Variants in ZNF219 observed in about 807,000 individuals in gnomAD.
ZNF219 encodes the protein zinc finger protein 219.
A neutral mutation model predicts 54.4 loss-of-function variants in ZNF219; 17 were observed. The observed-to-expected ratio is 0.31, with a 90% CI of 0.21 to 0.47. The LOEUF (loss-of-function observed/expected upper bound fraction) is 0.47. Among genes scored for constraint, ZNF219 ranks in the 20% least tolerant of loss-of-function variants. The pLI is 1.00. For missense variants in ZNF219, 1,014 were observed against 1,062.3 expected, an observed-to-expected ratio of 0.95 and a Z score of 0.63; for synonymous variants, 518 against 476.4, an observed-to-expected ratio of 1.09 and a Z score of -1.14.
At chr14:21,103,509 T>A (rs1889783555), upstream of ZNF219, 1 of 515,478 alleles carries the variant, frequency 1.9e-6, no homozygotes, top group Non-Finnish European at 3.3e-6. Flanking sequence ...CAGCTTCACA[T>A]TTGCCTCATC....
At chr14:21,093,562 GGT>G in intron 2 of ZNF219, 22 bp downstream of exon 2, 2 of 1,611,204 alleles carry the variant, frequency 1.2e-6, no homozygotes, top group Non-Finnish European at 1.7e-6. Context: ...GGTACTTGTA[GGT>G]TGAAGCCAGA....
At position 21,094,736 on chromosome 14, in the gene ZNF219, G is replaced by GGGGT. The variant is rs1270376691; in HGVS notation, c.-83-1063_-83-1062insACCC. ...GAAGAGGATAGGGGTTGGGGGGGGG[G>GGGGT]GCGGGTGCTGATCCTAAGCTGCAGA... On this transcript the variant is annotated intron_variant, in intron 1 of 4. Transcript: ENST00000360947. 8.3e-4 allele frequency among the ~76,000 whole-genome samples: 66 copies of GGGGT among 79,694 alleles called. 7 individuals carry two copies. Among genetic ancestry groups the GGGGT allele is most frequent in the Non-Finnish European group, 1.6e-3 (58 of 36,642 alleles). 52.3% of individuals were successfully genotyped at this position (79,694 alleles called of 152,430 possible). A position where few individuals can be genotyped will look rare whatever the true frequency, so the allele number is the denominator to read the frequency against.
chr14:21,098,344 C>CGGCGGAGCG lies in ZNF219; in HGVS notation c.-117_-116insCGCTCCGCC. On this transcript the variant is annotated 5_prime_UTR_variant, in exon 1 of 5. Transcript: ENST00000360947. ...GGGCGGGCGGCGGCGGAGCGGGCGGCGGCGGCGGCGGCGGCGGCGGGCGGC... is the reference window on the plus strand; with the variant it reads ...GGGCGGGCGGCGGCGGAGCGGGCGGCGGCGGAGCGGGCGGCGGCGGCGGCGGCGGGCGGC... 1 of 272,292 alleles carries CGGCGGAGCG rather than the reference C, an allele frequency of 3.7e-6. No individual in the cohort carries two copies. 16.9% of individuals were successfully genotyped at this position (272,292 alleles called of 1,614,324 possible). A position where few individuals can be genotyped will look rare whatever the true frequency, so the allele number is the denominator to read the frequency against.
chr14:21,098,905 A>C, upstream of ZNF219: 1 of 1,255,132 alleles, frequency 8.0e-7, no homozygotes, highest in Non-Finnish European at 1.0e-6. Flanking sequence ...TCTCCCTTAC[A>C]ATTTCTGTCT....
At chr14:21,101,492 C>G (rs756018855), upstream of ZNF219, 7 of 1,509,738 alleles carry the variant, frequency 4.6e-6, no homozygotes, top group Non-Finnish European at 6.3e-6. Flanking sequence ...AGCATGTCCA[C>G]TTCTACCCAA....
upstream of ZNF219, chr14:21,102,025 C>A: frequency 6.4e-7 from 1 of 1,550,554 alleles, no homozygotes; most frequent in South Asian, 1.2e-5. Flanking sequence ...CCCTTCCTAA[C>A]GGGACCAGAG....
chr14:21,099,033 C>G (rs1889484130), upstream of ZNF219: 1 of 292,486 alleles, frequency 3.4e-6, no homozygotes, highest in Admixed American at 5.2e-5. Context: ...CCTGCGCCTT[C>G]CTCTCGAATT....
intron 1 of ZNF219, among the ~76,000 whole-genome samples, chr14:21,096,319 G>C (rs1889275437): frequency 6.6e-6 from 1 of 152,198 alleles, no homozygotes; most frequent in South Asian, 2.1e-4. Flanking sequence ...CCCCAGCACG[G>C]AAAGTTTCCC....
Position 21,091,133 on chromosome 14 carries a change from C to A in ZNF219, c.1572G>T (p.Arg524=). The change falls in exon 5 of 5, where the codon CGG becomes CGT. Residue 524 remains arginine (R), a synonymous_variant. Transcript: ENST00000360947. The part of the protein sequence containing the change: ...KVHLRVHTGE[R]PYKCPHCDYA... ...AGTCGCAGTGCGGACACTTGTAGGG[C>A]CGCTCGCCTGGGGAGAGTGGGTGCG... 6.3e-7 allele frequency: 1 copy of A among 1,593,708 alleles called. No individual in the cohort carries two copies. The highest frequency in any genetic ancestry group is 8.5e-7 in the Non-Finnish European group (1 of 1,174,360).
At position 21,091,066 on chromosome 14, in the gene ZNF219, G is replaced by C; in HGVS notation, c.1639C>G (p.Arg547Gly). 1 of 1,565,854 alleles carries C rather than the reference G, an allele frequency of 6.4e-7. No homozygotes were observed. The highest frequency in any genetic ancestry group is 8.6e-7 in the Non-Finnish European group (1 of 1,161,120). Residue 547 changes from arginine to glycine, a missense_variant, in exon 5 of 5, where the codon CGC becomes GGC. Transcript: ENST00000360947. ...CCGCTCCTCTGCTCCCGGTGGTGGC[G>C]CTGTAGGTGATACTTGAGCGAGCCG... ...QSGSLKYHLQ[R>G]HHREQRSGAG...
Position 21,092,070 on chromosome 14 carries a change from C to G in ZNF219, c.1227G>C (p.Pro409=). ...GPGRSFGGFR[P]LSSALPARAR... ...CCCGGGCCGGGAGAGCAGAGGACAG[C>G]GGGCGGAAGCCTCCGAAGCTGCGGC... The change falls in exon 3 of 5, where the codon CCG becomes CCC. Residue 409 remains proline (P), a synonymous_variant. Transcript: ENST00000360947. The G allele has an allele frequency of 6.5e-7, 1 of 1,536,606 alleles. No homozygotes were observed. The highest frequency in any genetic ancestry group is 2.5e-5 in the East Asian group (1 of 40,008).
chr14:21,098,099 T>G (rs1889386710), intron 1 of ZNF219, among the ~76,000 whole-genome samples: 1 of 140,840 alleles, frequency 7.1e-6, no homozygotes. Context: ...CTCTCCAGGC[T>G]TCCGAGGCCG....
chr14:21,104,160 C>T (rs1034616964), intron 1 of ZNF219: 1 of 152,200 alleles, frequency 6.6e-6, no homozygotes, highest in African/African-American at 2.4e-5. Context: ...GAGGGAGGGA[C>T]CCTGCGACCC....
chr14:21,090,967 G>A lies in ZNF219; in HGVS notation c.1738C>T (p.Pro580Ser). 1 of 1,551,994 alleles carries A rather than the reference G, an allele frequency of 6.4e-7. No homozygotes were observed. Among genetic ancestry groups the A allele is most frequent in the Non-Finnish European group, 8.7e-7 (1 of 1,155,106 alleles). The change falls in exon 5 of 5, where the codon CCG becomes TCG. Residue 580 changes from proline to serine, a missense_variant. Pro to Ser is a moderately conservative substitution (Grantham distance 74). This residue lies in a region of ZNF219 where 281 missense variants were observed against 271.2 expected (regional missense o/e 1.04). Transcript: ENST00000360947. The surrounding 1 kb of genome is among the most constrained non-coding windows in gnomAD (Gnocchi z 4.4). The part of the protein sequence containing the change: ...RGSAPQSGAK[P>S]SPQPATWVEG... ...ACCCAGGTCGCAGGCTGCGGAGACG[G>A]CTTGGCTCCAGATTGCGGGGCCGAA...
chr14:21,103,303 A>T, upstream of ZNF219: 1 of 1,533,866 alleles, frequency 6.5e-7, no homozygotes, highest in Non-Finnish European at 8.8e-7. Context: ...CACCAAACTC[A>T]GAAGCTTGCT....
chr14:21,091,838 C>T (rs1340284691), intron 3 of ZNF219, 27 bp downstream of exon 3: 31 of 1,493,662 alleles, frequency 2.1e-5, no homozygotes, highest in Non-Finnish European at 2.7e-5. Flanking sequence ...ACGCGGCGTA[C>T]CCGGAGAGCG....
upstream of ZNF219, chr14:21,098,842 G>T: frequency 7.8e-7 from 1 of 1,287,950 alleles, no homozygotes; most frequent in Non-Finnish European, 1.0e-6. Flanking sequence ...CGCTCTTTCT[G>T]CCCCAACATG....
Position 21,092,545 on chromosome 14 carries a change from TC to T in ZNF219, c.751del (p.Glu251SerfsTer71). On this transcript the variant is annotated frameshift_variant, in exon 3 of 5. Transcript: ENST00000360947. LOFTEE classifies it high-confidence loss of function. ...RSVPQPEPEP[E>X]PEREATPTPA... is the part of the protein sequence containing the mutation. ...GGTCGGGGTTGCCTCACGTTCGGGC[TC>T]CGGCTCCGGCTCCGGCTGGGGGACT... 1 of 1,545,800 alleles carries T rather than the reference TC, an allele frequency of 6.5e-7. No homozygotes were observed. Among genetic ancestry groups the T allele is most frequent in the East Asian group, 2.4e-5 (1 of 40,908 alleles).
In ZNF219 at chr14:21,098,338, G is replaced by GGGCGGCGGCGGCGGC. The variant is rs907341179; in HGVS notation, c.-125_-111dup. 8.4e-6 allele frequency: 2 copies of GGGCGGCGGCGGCGGC among 237,476 alleles called. No homozygotes were observed. The highest frequency in any genetic ancestry group is 4.8e-5 in the African/African-American group (2 of 41,670). 14.7% of individuals were successfully genotyped at this position (237,476 alleles called of 1,614,324 possible). A position where few individuals can be genotyped will look rare whatever the true frequency, so the allele number is the denominator to read the frequency against. ...AGCCCCGGGCGGGCGGCGGCGGAGC[G>GGGCGGCGGCGGCGGC]GGCGGCGGCGGCGGCGGCGGCGGCG... On this transcript the variant is annotated 5_prime_UTR_variant, in exon 1 of 5. Coordinates refer to ENST00000360947, the MANE Select transcript of ZNF219 (RefSeq NM_016423.3).
Sources: gnomAD v4.1 joint callset for allele counts (sites outside exome capture counted in the v4.1 genomes callset) on GRCh38, gnomAD v4.1.1 for gene constraint, gnomAD v4.1.1 regional missense constraint, Gnocchi (gnomAD v3.1) non-coding constraint, MANE v1.5 for transcripts, NCBI Gene and HGNC (gene_info 2026-07-23, HGNC 2026-07-21) for gene names.